The following PACRG variants were observed in gnomAD, a reference collection of about 807,000 sequenced individuals.
The protein encoded by PACRG is parkin coregulated gene protein.
PACRG carries 29 observed loss-of-function variants against 29.7 expected under a neutral mutation model. The observed-to-expected ratio is 0.98, with a 90% CI of 0.73 to 1.33. PACRG has a LOEUF of 1.33. Among genes scored for constraint, PACRG ranks in the 40% most tolerant of loss-of-function variants. The pLI is 0.00. For missense variants in PACRG, 279 were observed against 316.2 expected (o/e 0.88, Z 0.89); for synonymous variants, 116 against 118.7 (o/e 0.98, Z 0.15).
At chr6:162,990,355 C>T (rs1803340036) in intron 2 of PACRG, among the ~76,000 whole-genome samples, 1 of 151,574 alleles carries the variant, frequency 6.6e-6, no homozygotes, top group Non-Finnish European at 1.5e-5. Flanking sequence ...ATCCCACCAA[C>T]AGTGTAAAAG....
intron 2 of PACRG, among the ~76,000 whole-genome samples, chr6:162,971,315 T>G (rs1801509502): frequency 6.6e-6 from 1 of 152,232 alleles, no homozygotes; most frequent in Non-Finnish European, 1.5e-5. Flanking sequence ...ATATGGATCA[T>G]GGACCATATT....
chr6:162,769,349 C>T lies in PACRG; in HGVS notation c.156+40958C>T, dbSNP rs377115732. Among the ~76,000 whole-genome samples, 4 of 129,982 alleles carry T rather than the reference C, an allele frequency of 3.1e-5. 1 individual carries two copies. The highest frequency in any genetic ancestry group is 5.3e-5 in the Non-Finnish European group (3 of 56,638). 85.3% of individuals were successfully genotyped at this position (129,982 alleles called of 152,430 possible). ...TTTACTGCTCTAAAACCTAACTTATCCTAATACCGGGGACAAACGTTATTT... is the reference window on the plus strand; with the variant it reads ...TTTACTGCTCTAAAACCTAACTTATTCTAATACCGGGGACAAACGTTATTT... On this transcript the variant is annotated intron_variant, in intron 1 of 4. Transcript: ENST00000366888.
At chr6:163,088,204 T>C (rs1287438098) in intron 3 of PACRG, among the ~76,000 whole-genome samples, 1 of 152,216 alleles carries the variant, frequency 6.6e-6, no homozygotes, top group Non-Finnish European at 1.5e-5. Flanking sequence ...TTTCTTTTTA[T>C]AGCCTGGGTC....
In PACRG at chr6:163,293,500, G is replaced by A. The variant is rs530648157; in HGVS notation, c.614-21327G>A. 1.3e-4 allele frequency among the ~76,000 whole-genome samples: 20 copies of A among 152,278 alleles called. No homozygotes were observed. In the South Asian group the frequency reaches 3.7e-3, roughly 28 times the overall value. ...AACCACAAGGCAGCTGTCCCAGGCC[G>A]ACTGCTGACCGTGTAGCTGACAGTT... On this transcript the variant is annotated intron_variant, in intron 4 of 4. Transcript: ENST00000366888.
At chr6:162,816,476 C>G (rs1190228810) in intron 2 of PACRG, among the ~76,000 whole-genome samples, 1 of 152,128 alleles carries the variant, frequency 6.6e-6, no homozygotes, top group Non-Finnish European at 1.5e-5. Flanking sequence ...CCTCAGCCTC[C>G]CGAGTAGCTG....
intron 4 of PACRG, among the ~76,000 whole-genome samples, chr6:163,259,518 G>A (rs886340363): frequency 3.3e-5 from 5 of 152,030 alleles, no homozygotes; most frequent in African/African-American, 1.2e-4. Context: ...TCTGTCATCC[G>A]AGGTGACCTG....
intron 1 of PACRG, among the ~76,000 whole-genome samples, chr6:162,763,292 C>T (rs555755068): frequency 2.0e-5 from 3 of 152,228 alleles, no homozygotes; most frequent in Admixed American, 1.3e-4. Flanking sequence ...TAAGACTGAC[C>T]CTCTCTCCTT....
intron 2 of PACRG, among the ~76,000 whole-genome samples, chr6:162,981,978 A>G (rs1013495211): frequency 2.7e-4 from 30 of 112,598 alleles, no homozygotes; most frequent in Admixed American, 8.5e-4. Context: ...GTTACTTGTT[A>G]TTGGTCTGTT....
intron 1 of PACRG, among the ~76,000 whole-genome samples, chr6:162,785,358 A>G (rs756192734): frequency 2.9e-4 from 44 of 152,346 alleles, no homozygotes; most frequent in Non-Finnish European, 5.1e-4. Context: ...CAAAGAAACC[A>G]TGAGTTAAGA....
chr6:163,099,637 A>T (rs980143517), intron 4 of PACRG, among the ~76,000 whole-genome samples: 2 of 152,334 alleles, frequency 1.3e-5, no homozygotes, highest in African/African-American at 2.4e-5. Context: ...ATGAGCACCA[A>T]CTAATGACTT....
intron 1 of PACRG, among the ~76,000 whole-genome samples, chr6:162,747,393 T>C (rs1173942795): frequency 0.014 from 536 of 36,982 alleles, 53 homozygotes; most frequent in African/African-American, 0.11. Context: ...TATATATGTA[T>C]ATATATATGT....
intron 2 of PACRG, among the ~76,000 whole-genome samples, chr6:162,916,326 T>G (rs1796691974): frequency 6.6e-6 from 1 of 152,174 alleles, no homozygotes; most frequent in African/African-American, 2.4e-5. Context: ...TTCTTTATTA[T>G]TGGCTTTCAA....
At chr6:162,778,226 A>T (rs1461521724) in intron 1 of PACRG, among the ~76,000 whole-genome samples, 7 of 152,074 alleles carry the variant, frequency 4.6e-5, no homozygotes, top group African/African-American at 7.2e-5. Flanking sequence ...GTTGGTTCTG[A>T]CTCAGTGGCA....
chr6:163,027,140 A>C (rs1437655893), intron 2 of PACRG, among the ~76,000 whole-genome samples: 1 of 152,224 alleles, frequency 6.6e-6, no homozygotes, highest in Non-Finnish European at 1.5e-5. Flanking sequence ...AATGCACATA[A>C]TTATAGGATG....
At chr6:162,742,132 G>T (rs1051129465) in intron 1 of PACRG, among the ~76,000 whole-genome samples, 1 of 152,014 alleles carries the variant, frequency 6.6e-6, no homozygotes, top group African/African-American at 2.4e-5. Flanking sequence ...TAGATTCCAC[G>T]TATGATATGG....
At chr6:162,735,002 G>T (rs1780056563) in intron 1 of PACRG, among the ~76,000 whole-genome samples, 1 of 152,116 alleles carries the variant, frequency 6.6e-6, no homozygotes, top group Non-Finnish European at 1.5e-5. Flanking sequence ...TAATTGTTTT[G>T]TGTCCAGTTT....
intron 2 of PACRG, among the ~76,000 whole-genome samples, chr6:162,986,432 A>T (rs1802896559): frequency 6.6e-6 from 1 of 152,206 alleles, no homozygotes; most frequent in African/African-American, 2.4e-5. Flanking sequence ...CTGATCTTAG[A>T]CAAAGCAAAC....
chr6:162,797,421 G>C (rs1459188243), intron 1 of PACRG, among the ~76,000 whole-genome samples: 5 of 152,158 alleles, frequency 3.3e-5, no homozygotes, highest in Admixed American at 2.6e-4. Context: ...CTTCTGGGAT[G>C]AGACATTGAA....
rs1437522672 is a variant in PACRG at position 163,138,607 on chromosome 6, G to A, written c.613+49199G>A. On this transcript the variant is annotated intron_variant, in intron 4 of 4. Coordinates refer to ENST00000366888, the MANE Select transcript of PACRG (RefSeq NM_001080379.2). ...AGGGTTCATGCTCCTCTGAGGATCT[G>A]ATGCTGCTGCTGACCTGACAGGAGG... Among the ~76,000 whole-genome samples the A allele has an allele frequency of 2.0e-5, 3 of 152,304 alleles. No homozygotes were observed. In the South Asian group the frequency reaches 6.2e-4, roughly 32 times the overall value.
Sources: gnomAD v4.1 joint callset for allele counts (sites outside exome capture counted in the v4.1 genomes callset) on GRCh38, gnomAD v4.1.1 for gene constraint, MANE v1.5 for transcripts, NCBI Gene and HGNC (gene_info 2026-07-23, HGNC 2026-07-21) for gene names.